Variants in UBL7 observed in about 807,000 individuals in gnomAD.
UBL7 encodes the protein ubiquitin-like protein 7.
Under a neutral mutation model 41.7 loss-of-function variants are expected in UBL7, and 21 were observed. The observed-to-expected ratio is 0.50, with a 90% CI of 0.36 to 0.73. The LOEUF is 0.73. Among genes scored for constraint, UBL7 ranks in the 30% least tolerant of loss-of-function variants. The pLI is 0.00. For missense variants in UBL7, 403 were observed against 478.4 expected (o/e 0.84, Z 1.47); for synonymous variants, 157 against 186.9 (o/e 0.84, Z 1.31).
Position 74,448,663 on chromosome 15 carries a change from G to C in UBL7, c.883-63C>G. The C allele has an allele frequency of 6.9e-6, 11 of 1,599,868 alleles. No homozygotes were observed. In the South Asian group the frequency reaches 1.1e-4, roughly 16 times the overall value. On this transcript the variant is annotated intron_variant, in intron 9 of 10. Transcript: ENST00000395081. ...CATCTCAATCTTATAGCAGATGCTC[G>C]CTGTTGTCATATCACCTCACAGCAC...
At position 74,446,476 on chromosome 15, in the gene UBL7, T is replaced by C. The variant is rs1423582957; in HGVS notation, c.1006-249A>G. Among the ~76,000 whole-genome samples the C allele has an allele frequency of 6.6e-5, 10 of 152,240 alleles. No homozygotes were observed. The highest frequency in any genetic ancestry group is 4.4e-5 in the Non-Finnish European group (3 of 68,038). Reference sequence around the variant, plus strand: ...TAAGGATCAAAAGAGAATGTACAAATTATTCACTGTCTGAATTCCAAGAGG... The same window carrying C: ...TAAGGATCAAAAGAGAATGTACAAACTATTCACTGTCTGAATTCCAAGAGG... On this transcript the variant is annotated intron_variant, in intron 10 of 10. Coordinates refer to ENST00000395081, the MANE Select transcript of UBL7 (RefSeq NM_032907.5). The surrounding 1 kb of genome is among the most constrained non-coding windows in gnomAD (Gnocchi z 4.1).
In UBL7 at chr15:74,458,868, C is replaced by A. The variant is rs1567093395; in HGVS notation, c.-1G>T. On this transcript the variant is annotated 5_prime_UTR_variant, in exon 2 of 11. Transcript: ENST00000395081. Reference sequence around the variant, plus strand: ...CCAGGTGCCAGTCTGAGAGAGACATCCTCTCTCTTTCGCGCTCTCTCTTTC... The same window carrying A: ...CCAGGTGCCAGTCTGAGAGAGACATACTCTCTCTTTCGCGCTCTCTCTTTC... 1 of 1,609,764 alleles carries A rather than the reference C, an allele frequency of 6.2e-7. No individual in the cohort carries two copies. The highest frequency in any genetic ancestry group is 1.7e-5 in the Admixed American group (1 of 60,022).
rs1424933568 is a variant in UBL7, at chr15:74,460,772, GAGA to G, written c.-30+262_-30+264del. 26 of 1,277,618 alleles carry G rather than the reference GAGA, an allele frequency of 2.0e-5. No individual in the cohort carries two copies. The African/African-American group carries it at 3.4e-4, about 17-fold the overall frequency. The allele number at this position is 1,277,618 out of a possible 1,614,324, so 79.1% of individuals were successfully genotyped here. ...TATAGTCATCATTATTGCTTCCAAA[GAGA>G]CCTCTGATAGAGAAGAGGAAAGAAA... On this transcript the variant is annotated intron_variant, in intron 1 of 10. Transcript: ENST00000395081.
intron 3 of UBL7, among the ~76,000 whole-genome samples, 171 bp from the exon 4 acceptor site, chr15:74,452,549 G>A (rs2061260070): frequency 6.6e-6 from 1 of 152,200 alleles, no homozygotes; most frequent in Admixed American, 6.5e-5. Flanking sequence ...TTGTGCCATG[G>A]ATGTGAAAAC....
At position 74,452,330 on chromosome 15, in the gene UBL7, G is replaced by GTGC. The variant is rs1309081984; in HGVS notation, c.352_353insGCA (p.His117_Thr118insSer). 1 of 1,561,044 alleles carries GTGC rather than the reference G, an allele frequency of 6.4e-7. No homozygotes were observed. The highest frequency in any genetic ancestry group is 8.7e-7 in the Non-Finnish European group (1 of 1,151,396). On this transcript the variant is annotated inframe_insertion, in exon 4 of 11. Transcript: ENST00000395081. ...GTAAGAGGAGCTGCTGTGCAGGGCA[G>GTGC]TGTGCAACACCCGGAACTCTCTCAT...
rs747632181 is a variant in UBL7, at chr15:74,458,639, A to G, written c.184+45T>C. 3.2e-6 allele frequency: 5 copies of G among 1,548,862 alleles called. No individual in the cohort carries two copies. In the South Asian group the frequency reaches 3.4e-5, roughly 10 times the overall value. ...GTAATTCCAGAAGTATCCTCCCCCA[A>G]AAGAGATCAGAGCAGCAGCCCAACC... On this transcript the variant is annotated intron_variant, in intron 2 of 10. Transcript: ENST00000395081.
At chr15:74,454,984 G>T (rs145642576) in intron 3 of UBL7, among the ~76,000 whole-genome samples, 1 of 152,102 alleles carries the variant, frequency 6.6e-6, no homozygotes, top group Non-Finnish European at 1.5e-5. Context: ...CAATAATAGG[G>T]ATCTTGTTTT....
intron 10 of UBL7, among the ~76,000 whole-genome samples, chr15:74,447,077 T>C (rs2061190812): frequency 6.6e-6 from 1 of 152,188 alleles, no homozygotes; most frequent in Non-Finnish European, 1.5e-5. Context: ...TGAAAGCTTC[T>C]GAGCTAGGGA....
At chr15:74,460,829 A>C in intron 1 of UBL7, 1 of 1,226,080 alleles carries the variant, frequency 8.2e-7, no homozygotes, top group Non-Finnish European at 1.0e-6. Context: ...GCAGACCTTC[A>C]AGCATCCTCA....
chr15:74,448,781 G>T (rs2061210992), intron 9 of UBL7, among the ~76,000 whole-genome samples, 181 bp from the exon 10 acceptor site: 1 of 152,172 alleles, frequency 6.6e-6, no homozygotes, highest in Admixed American at 6.5e-5. Context: ...GGCAGGAAAG[G>T]TTCCATTCTC....
intron 9 of UBL7, 77 bp from the exon 10 acceptor site, chr15:74,448,677 A>T: frequency 6.3e-7 from 1 of 1,575,800 alleles, no homozygotes; most frequent in Non-Finnish European, 8.7e-7. Flanking sequence ...TTGTCATATC[A>T]CCTCACAGCA....
At position 74,449,940 on chromosome 15, in the gene UBL7, C is replaced by G. The variant is rs1169991662; in HGVS notation, c.660G>C (p.Met220Ile). ...RSMPSSSYRDMPGGFLFEGLS... is the reference protein window; with the variant it reads ...RSMPSSSYRDIPGGFLFEGLS... ...TTACACTTTTCAGGCGCTCACCTGG[C>G]ATATCCCGGTATGAGCTGGAGGGCA... Residue 220 changes from methionine (M) to isoleucine (I), a missense_variant, in exon 7 of 11, where the codon ATG (methionine) becomes ATC (isoleucine). Transcript: ENST00000395081. 1 of 1,610,814 alleles carries G rather than the reference C, an allele frequency of 6.2e-7. No individual in the cohort carries two copies. The highest frequency in any genetic ancestry group is 8.5e-7 in the Non-Finnish European group (1 of 1,178,782).
chr15:74,458,319 C>G (rs1328608965), intron 2 of UBL7, among the ~76,000 whole-genome samples: 1 of 152,140 alleles, frequency 6.6e-6, no homozygotes, highest in African/African-American at 2.4e-5. Flanking sequence ...GTAATCCCAG[C>G]TACTCGGGAG....
Position 74,449,665 on chromosome 15 carries a change from C to A in UBL7, c.675G>T (p.Leu225=). The stretch of plus-strand genomic sequence containing the variant: ...CCTCATCATCTGAGAGCCCTTCAAA[C>A]AGGAAGCCACCTGGAGGAGGACGAA... The part of the protein sequence containing the change: ...SSYRDMPGGF[L]FEGLSDDEDD... The change falls in exon 8 of 11, where the codon CTG becomes CTT. Residue 225 remains leucine (L), a synonymous_variant. Transcript: ENST00000395081. 1 of 1,614,156 alleles carries A rather than the reference C, an allele frequency of 6.2e-7. No individual in the cohort carries two copies. Among genetic ancestry groups the A allele is most frequent in the Non-Finnish European group, 8.5e-7 (1 of 1,180,028 alleles).
intron 2 of UBL7, among the ~76,000 whole-genome samples, chr15:74,458,055 A>G (rs1259201478): frequency 5.9e-5 from 9 of 152,076 alleles, no homozygotes; most frequent in Non-Finnish European, 1.3e-4. Context: ...CTGAAGACCT[A>G]CCTCAAATAT....
At chr15:74,459,197 TTTC>T (rs906262758) in intron 1 of UBL7, 12 of 253,398 alleles carry the variant, frequency 4.7e-5, no homozygotes, top group African/African-American at 2.0e-4. Flanking sequence ...TTTTTCCAAT[TTTC>T]TTCAACTGTT....
intron 7 of UBL7, 71 bp downstream of exon 7, chr15:74,449,865 G>T: frequency 6.4e-7 from 1 of 1,560,106 alleles, no homozygotes; most frequent in Non-Finnish European, 8.7e-7. Context: ...ATACATAGCT[G>T]CTGAGTAAAG....
At chr15:74,452,242 C>T (rs983942570) in intron 4 of UBL7, 54 bp downstream of exon 4, 4 of 1,518,570 alleles carry the variant, frequency 2.6e-6, no homozygotes, top group Middle Eastern at 1.8e-4. Context: ...ACTCGCCAGC[C>T]AGCGTTCACA....
At chr15:74,456,448 A>G (rs2061295263) in intron 3 of UBL7, 104 bp downstream of exon 3, 2 of 1,443,118 alleles carry the variant, frequency 1.4e-6, no homozygotes, top group Non-Finnish European at 9.5e-7. Context: ...AGCTCAGTAA[A>G]TCATCCCTTT....
Sources: allele counts gnomAD v4.1 joint callset (sites outside exome capture counted in the v4.1 genomes callset), GRCh38; gene constraint gnomAD v4.1.1; non-coding constraint Gnocchi (gnomAD v3.1); transcripts MANE v1.5; gene names NCBI Gene and HGNC (gene_info 2026-07-23, HGNC 2026-07-21).